Variants in PCDH15 observed in about 807,000 individuals in gnomAD.
PCDH15 encodes protocadherin-15.
PCDH15 carries 129 observed loss-of-function variants against 178.5 expected under a neutral mutation model. The observed-to-expected ratio is 0.72, with a 90% confidence interval of 0.63 to 0.84. PCDH15 has a LOEUF of 0.84. Among genes scored for constraint, PCDH15 ranks in the 40% least tolerant of loss-of-function variants. PCDH15 has a pLI of 0.00. For missense variants in PCDH15, 2,230 were observed against 2,099.9 expected, an observed-to-expected ratio of 1.06 and a Z score of -1.21; for synonymous variants, 800 against 732.0, an observed-to-expected ratio of 1.09 and a Z score of -1.50.
chr10:54,704,098 A>C (rs187806649), intron 1 of PCDH15, among the ~76,000 whole-genome samples: 12 of 152,252 alleles, frequency 7.9e-5, no homozygotes, highest in Non-Finnish European at 1.5e-4. Flanking sequence ...ACATACAAAA[A>C]TCAACTCAAG....
chr10:55,565,574 TCAA>T (rs953119585), intron 2 of PCDH15, among the ~76,000 whole-genome samples: 7 of 151,466 alleles, frequency 4.6e-5, no homozygotes, highest in Non-Finnish European at 8.9e-5. Context: ...TTTGAAAAGA[TCAA>T]CAACGTTAGT....
chr10:55,545,032 A>G (rs988801325), intron 2 of PCDH15, among the ~76,000 whole-genome samples: 12 of 152,280 alleles, frequency 7.9e-5, no homozygotes, highest in Admixed American at 5.2e-4. Flanking sequence ...TTTAAAGTGT[A>G]TCTTCAAAGA....
At chr10:54,432,569 A>C (rs1363562049) in intron 3 of PCDH15, among the ~76,000 whole-genome samples, 2 of 152,216 alleles carry the variant, frequency 1.3e-5, no homozygotes, top group African/African-American at 4.8e-5. Context: ...GCCATATAGG[A>C]AAATCACATC....
intron 2 of PCDH15, among the ~76,000 whole-genome samples, chr10:55,101,000 C>G (rs1339396719): frequency 1.3e-5 from 2 of 152,140 alleles, no homozygotes; most frequent in African/African-American, 4.8e-5. Context: ...AAAGTCTCTT[C>G]AGTCCAATTG....
At chr10:53,808,866 C>A (rs985293805) in intron 37 of PCDH15, 1 of 1,606,128 alleles carries the variant, frequency 6.2e-7, no homozygotes, top group Non-Finnish European at 8.5e-7. Context: ...CACCTCCTTC[C>A]ACCGAAGCTG....
At chr10:54,729,389 C>A (rs1248496796) in intron 1 of PCDH15, among the ~76,000 whole-genome samples, 1 of 151,640 alleles carries the variant, frequency 6.6e-6, no homozygotes, top group Non-Finnish European at 1.5e-5. Flanking sequence ...ACACTGGATC[C>A]TTTCCTTTCA....
intron 2 of PCDH15, among the ~76,000 whole-genome samples, chr10:55,424,949 G>T (rs1167792502): frequency 6.6e-6 from 1 of 151,652 alleles, no homozygotes; most frequent in Non-Finnish European, 1.5e-5. Flanking sequence ...ATATGAAATG[G>T]TTTGCAACTA....
At chr10:55,452,244 G>A (rs1014379312) in intron 2 of PCDH15, among the ~76,000 whole-genome samples, 1 of 11,180 alleles carries the variant, frequency 8.9e-5, no homozygotes, top group South Asian at 2.8e-3. Context: ...AACCAAAGAC[G>A]AGTGTAAATG....
At chr10:54,740,063 C>T (rs890187988) in intron 1 of PCDH15, among the ~76,000 whole-genome samples, 4 of 151,858 alleles carry the variant, frequency 2.6e-5, no homozygotes, top group Admixed American at 2.6e-4. Context: ...TACTTCTACA[C>T]AGCAAAGAAA....
intron 3 of PCDH15, among the ~76,000 whole-genome samples, chr10:54,851,130 G>A (rs1028077504): frequency 6.6e-6 from 1 of 151,966 alleles, no homozygotes; most frequent in Non-Finnish European, 1.5e-5. Context: ...CATAAATATG[G>A]AAAAAGGATC....
intron 23 of PCDH15, among the ~76,000 whole-genome samples, chr10:53,953,718 T>G (rs1270248428): frequency 6.6e-6 from 1 of 152,190 alleles, no homozygotes. Flanking sequence ...GTAAAATTCT[T>G]CAATAATTTT....
chr10:54,467,115 CT>C, intron 3 of PCDH15, among the ~76,000 whole-genome samples: 1 of 151,932 alleles, frequency 6.6e-6, no homozygotes, highest in East Asian at 1.9e-4. Context: ...AAAAATTTAA[CT>C]TTTTCTTTTC....
chr10:54,213,308 A>AT (rs1297860437), intron 10 of PCDH15, among the ~76,000 whole-genome samples: 4 of 152,090 alleles, frequency 2.6e-5, no homozygotes, highest in African/African-American at 7.2e-5. Context: ...GAATATCTGC[A>AT]TTTTTTCAGT....
At chr10:54,329,789 G>A in intron 6 of PCDH15, 83 bp from the exon 7 acceptor site, 1 of 894,278 alleles carries the variant, frequency 1.1e-6, no homozygotes, top group Non-Finnish European at 1.9e-6. Flanking sequence ...AATCCTCTTG[G>A]AAGTTAGAGA....
At chr10:54,442,445 T>TATATATAC (rs1565288098) in intron 3 of PCDH15, among the ~76,000 whole-genome samples, 3 of 122,036 alleles carry the variant, frequency 2.5e-5, no homozygotes, top group African/African-American at 1.1e-4. Flanking sequence ...TATATATATA[T>TATATATAC]ATATATATAT....
chr10:53,910,451 A>G (rs1431837913), intron 25 of PCDH15, among the ~76,000 whole-genome samples: 3 of 152,208 alleles, frequency 2.0e-5, no homozygotes, highest in Non-Finnish European at 2.9e-5. Context: ...AACAAACAGA[A>G]AGGAATAGCA....
intron 2 of PCDH15, among the ~76,000 whole-genome samples, chr10:55,612,759 T>C (rs1240563805): frequency 6.6e-6 from 1 of 152,152 alleles, no homozygotes; most frequent in East Asian, 1.9e-4. Flanking sequence ...TAAAAATTAT[T>C]GAGGTCTCAT....
intron 2 of PCDH15, among the ~76,000 whole-genome samples, chr10:55,087,281 G>A (rs1008813450): frequency 6.6e-6 from 1 of 152,166 alleles, no homozygotes; most frequent in African/African-American, 2.4e-5. Context: ...GAATCCAAAT[G>A]TGAAGACAGT....
intron 3 of PCDH15, among the ~76,000 whole-genome samples, chr10:54,441,213 T>C (rs2075774463): frequency 6.6e-6 from 1 of 151,938 alleles, no homozygotes; most frequent in South Asian, 2.1e-4. Context: ...TTCTCATTGA[T>C]GAATCACTTC....
Sources: gnomAD v4.1 joint callset for allele counts (sites outside exome capture counted in the v4.1 genomes callset) on GRCh38, gnomAD v4.1.1 for gene constraint, MANE v1.5 for transcripts, NCBI Gene and HGNC (gene_info 2026-07-23, HGNC 2026-07-21) for gene names.